Variants in KMT2C observed in about 807,000 individuals in gnomAD.
The protein encoded by KMT2C is histone-lysine N-methyltransferase 2C.
Under a neutral mutation model 507.9 loss-of-function variants are expected in KMT2C, and 88 were observed. The observed-to-expected ratio is 0.17, with a 90% CI of 0.15 to 0.21. KMT2C has a LOEUF of 0.21. KMT2C is among the 10% of genes least tolerant of loss of function. The pLI is 1.00. For synonymous variants in KMT2C, 2,049 were observed against 2,080.8 expected, an observed-to-expected ratio of 0.98 and a Z score of 0.42; for missense variants, 4,954 against 5,957.8, an observed-to-expected ratio of 0.83 and a Z score of 5.55.
Position 152,259,242 on chromosome 7 carries a change from T to C in KMT2C, c.1299+3774A>G, listed in dbSNP as rs191308588. Among the ~76,000 whole-genome samples the C allele has an allele frequency of 1.1e-3, 173 of 152,238 alleles. 1 individual carries two copies. The highest frequency in any genetic ancestry group is 1.9e-3 in the Non-Finnish European group (130 of 68,012). On this transcript the variant is annotated intron_variant, in intron 9 of 58. Transcript: ENST00000262189. Reference sequence around the variant, plus strand: ...AGGACATAAGATCAAATGACATAACTGGAATATGGCTAGTACATTAGATAA... The same window carrying C: ...AGGACATAAGATCAAATGACATAACCGGAATATGGCTAGTACATTAGATAA...
chr7:152,317,753 C>T (rs976494095), intron 3 of KMT2C, among the ~76,000 whole-genome samples: 1 of 152,150 alleles, frequency 6.6e-6, no homozygotes, highest in African/African-American at 2.4e-5. Context: ...ACACTGCAAC[C>T]CCAGTGCTTT....
At chr7:152,411,795 A>ACTTTGT in intron 1 of KMT2C, among the ~76,000 whole-genome samples, 4 of 152,302 alleles carry the variant, frequency 2.6e-5, no homozygotes, top group African/African-American at 9.6e-5. Context: ...TTCTTTAAAT[A>ACTTTGT]ATAAAAGGGA....
At chr7:152,297,856 AC>A (rs1164173439) in intron 6 of KMT2C, among the ~76,000 whole-genome samples, 4 of 152,182 alleles carry the variant, frequency 2.6e-5, no homozygotes, top group Non-Finnish European at 5.9e-5. Flanking sequence ...ATCAAAACTG[AC>A]CCAGAACTTA....
intron 6 of KMT2C, among the ~76,000 whole-genome samples, chr7:152,277,881 C>A (rs2096113961): frequency 6.6e-6 from 1 of 152,102 alleles, no homozygotes; most frequent in Admixed American, 6.5e-5. Context: ...AGGTTAAATT[C>A]TCTAGTAAAA....
chr7:152,215,803 G>T (rs2094569286), intron 23 of KMT2C, among the ~76,000 whole-genome samples: 1 of 151,658 alleles, frequency 6.6e-6, no homozygotes, highest in South Asian at 2.1e-4. Flanking sequence ...AACCTCTGAG[G>T]TTTCTGGAGA....
chr7:152,245,429 T>C (rs1400115163), intron 14 of KMT2C, among the ~76,000 whole-genome samples: 4 of 152,236 alleles, frequency 2.6e-5, no homozygotes, highest in African/African-American at 9.6e-5. Flanking sequence ...TACTAAATGC[T>C]GAAATATTGT....
chr7:152,426,403 A>T (rs1408876403), intron 1 of KMT2C, among the ~76,000 whole-genome samples: 1 of 151,732 alleles, frequency 6.6e-6, no homozygotes, highest in Non-Finnish European at 1.5e-5. Flanking sequence ...GCATCCAGCT[A>T]TTTTTAATTT....
chr7:152,283,799 C>T (rs556678613), intron 6 of KMT2C, among the ~76,000 whole-genome samples: 2 of 152,268 alleles, frequency 1.3e-5, no homozygotes, highest in South Asian at 4.1e-4. Flanking sequence ...CAGGTAAAAA[C>T]CACTACCAAA....
intron 11 of KMT2C, among the ~76,000 whole-genome samples, chr7:152,251,277 T>C (rs893631637): frequency 6.6e-6 from 1 of 152,118 alleles, no homozygotes; most frequent in African/African-American, 2.4e-5. Context: ...TGAGAACCCA[T>C]CTCTAAAACA....
intron 23 of KMT2C, among the ~76,000 whole-genome samples, chr7:152,217,128 G>A (rs1588297463): frequency 6.6e-6 from 1 of 152,110 alleles, no homozygotes; most frequent in African/African-American, 2.4e-5. Context: ...ACACGTTAGT[G>A]AAACAGTCTA....
intron 10 of KMT2C, 148 bp from the exon 11 acceptor site, chr7:152,252,238 T>G: frequency 1.7e-6 from 1 of 602,284 alleles, no homozygotes; most frequent in Non-Finnish European, 2.8e-6. Context: ...TGACAAAGGT[T>G]TTTTAAAGCA....
At chr7:152,328,822 G>A (rs943420788) in intron 3 of KMT2C, among the ~76,000 whole-genome samples, 9 of 152,070 alleles carry the variant, frequency 5.9e-5, no homozygotes, top group African/African-American at 2.2e-4. Flanking sequence ...AGAAATCAAG[G>A]ATTAACTTTC....
At position 152,422,482 on chromosome 7, in the gene KMT2C, G is replaced by A. The variant is rs117041820; in HGVS notation, c.161+13144C>T. ...AAGAAAAAAAAAGAAAACCCTGGGG[G>A]CTCAGGATTCAACAAAGCATTGTTG... On this transcript the variant is annotated intron_variant, in intron 1 of 58. Transcript: ENST00000262189. 5.7e-3 allele frequency among the ~76,000 whole-genome samples: 870 copies of A among 151,832 alleles called. 14 individuals are homozygous for A. Among genetic ancestry groups the A allele is most frequent in the East Asian group, 0.034 (177 of 5,146 alleles).
intron 2 of KMT2C, among the ~76,000 whole-genome samples, chr7:152,354,314 T>C (rs548251788): frequency 2.0e-5 from 3 of 152,270 alleles, no homozygotes; most frequent in Non-Finnish European, 4.4e-5. Context: ...GTTCCAAGAA[T>C]GGTAGGTAGC....
Position 152,248,502 on chromosome 7 carries a change from T to G in KMT2C, c.1932A>C (p.Glu644Asp). 6.2e-7 allele frequency: 1 copy of G among 1,614,016 alleles called. No homozygotes were observed. The highest frequency in any genetic ancestry group is 8.5e-7 in the Non-Finnish European group (1 of 1,179,968). The change falls in exon 14 of 59, where the codon GAA (glutamate) becomes GAC (aspartate). Residue 644 changes from glutamate (E) to aspartate (D), a missense_variant. Transcript: ENST00000262189. ...VKHICGEDQI[E>D]DKMEVTENIE... The stretch of plus-strand genomic sequence containing the variant: ...TGTTTTCTGTCACTTCCATTTTATC[T>G]TCAATTTGATCTTCGCCACAAATAT...
chr7:152,354,972 T>C (rs767458340), intron 2 of KMT2C, among the ~76,000 whole-genome samples: 1 of 152,000 alleles, frequency 6.6e-6, no homozygotes, highest in African/African-American at 2.4e-5. Context: ...AAGAGTAGAA[T>C]GGAATGAAAA....
At chr7:152,320,232 C>T (rs2096760769) in intron 3 of KMT2C, among the ~76,000 whole-genome samples, 1 of 152,068 alleles carries the variant, frequency 6.6e-6, no homozygotes, top group South Asian at 2.1e-4. Flanking sequence ...ATCCAAAACA[C>T]ATCTGGTCCC....
chr7:152,292,421 C>T (rs1392746846), intron 6 of KMT2C, among the ~76,000 whole-genome samples: 2 of 152,134 alleles, frequency 1.3e-5, no homozygotes, highest in African/African-American at 4.8e-5. Flanking sequence ...GTGCTCTCTG[C>T]AGCAACCAAC....
intron 2 of KMT2C, among the ~76,000 whole-genome samples, chr7:152,352,103 T>C (rs958385547): frequency 3.3e-5 from 5 of 152,184 alleles, no homozygotes; most frequent in African/African-American, 1.2e-4. Flanking sequence ...GGAACATCCC[T>C]AAGAAAGCAA....
Sources: allele counts gnomAD v4.1 joint callset (sites outside exome capture counted in the v4.1 genomes callset), GRCh38; gene constraint gnomAD v4.1.1; transcripts MANE v1.5; gene names NCBI Gene and HGNC (gene_info 2026-07-23, HGNC 2026-07-21).